Variants in WARS2 observed in about 807,000 individuals in gnomAD.
WARS2 encodes the protein tryptophan--tRNA ligase, mitochondrial.
In WARS2, 28 loss-of-function variants were observed where a neutral mutation model predicts 36.5. That is an observed-to-expected ratio of 0.77 (90% CI 0.57 to 1.05). WARS2 has a LOEUF of 1.05. Among genes scored for constraint, WARS2 ranks in the 50% least tolerant of loss-of-function variants. The probability of loss-of-function intolerance (pLI) is 0.00; values close to 1 mark genes in which losing one functional copy is unlikely to be tolerated. For missense variants in WARS2, 435 were observed against 456.8 expected (o/e 0.95, Z 0.44); for synonymous variants, 174 against 178.4 (o/e 0.98, Z 0.20).
At chr1:119,106,399 C>G (rs976278430) in intron 1 of WARS2, among the ~76,000 whole-genome samples, 1 of 152,246 alleles carries the variant, frequency 6.6e-6, no homozygotes, top group South Asian at 2.1e-4. Flanking sequence ...TATAATAACA[C>G]GTATCCCCCA....
intron 1 of WARS2, among the ~76,000 whole-genome samples, chr1:119,086,957 T>G (rs587619442): frequency 6.6e-6 from 1 of 152,168 alleles, no homozygotes; most frequent in South Asian, 2.1e-4. Context: ...CGTGGGGAAC[T>G]CTCCTTGGTC....
chr1:119,056,186 A>ATTTTTTTTTTTTTTT, intron 2 of WARS2, among the ~76,000 whole-genome samples: 1 of 116,174 alleles, frequency 8.6e-6, no homozygotes. Flanking sequence ...TGCCTGGCTA[A>ATTTTTTTTTTTTTTT]TTTTTTTTTT....
rs575584040 is a variant in WARS2, at chr1:119,047,842, T to C, written c.349-2180A>G. On this transcript the variant is annotated intron_variant, in intron 2 of 5. Transcript: ENST00000235521. ...AAGGCATGGACAATAAAGTGGCCTA[T>C]TGACCATCCACAAACAAGTCAGCAG... 3.9e-4 allele frequency among the ~76,000 whole-genome samples: 60 copies of C among 152,350 alleles called. No homozygotes were observed. In the Middle Eastern group the frequency reaches 0.01, roughly 26 times the overall value.
intron 1 of WARS2, among the ~76,000 whole-genome samples, chr1:119,090,058 C>G (rs1652934506): frequency 6.6e-6 from 1 of 151,800 alleles, no homozygotes; most frequent in African/African-American, 2.4e-5. Flanking sequence ...GTGTAGCAAA[C>G]CACCATGGCA....
Position 119,050,150 on chromosome 1 carries a change from C to G in WARS2, c.349-4488G>C, listed in dbSNP as rs529710233. ...ATCCCCTTTGTCCCTCTTCTCCAGC[C>G]ATGCTGGCCTTCTGGTGTTCTCAGA... On this transcript the variant is annotated intron_variant, in intron 2 of 5. Transcript: ENST00000235521. 2.1e-3 allele frequency among the ~76,000 whole-genome samples: 321 copies of G among 152,338 alleles called. 2 individuals are homozygous for G. Among genetic ancestry groups the G allele is most frequent in the African/African-American group, 7.2e-3 (299 of 41,578 alleles).
intron 1 of WARS2, among the ~76,000 whole-genome samples, chr1:119,118,773 T>C (rs1381457565): frequency 6.6e-6 from 1 of 151,122 alleles, no homozygotes; most frequent in Non-Finnish European, 1.5e-5. Context: ...TGGGGTCCTA[T>C]TTTTAGCCTC....
At chr1:119,076,263 G>A (rs1048003697) in intron 2 of WARS2, 87 bp downstream of exon 2, 21 of 1,492,512 alleles carry the variant, frequency 1.4e-5, no homozygotes, top group Admixed American at 8.8e-5. Flanking sequence ...TAAAAATCAC[G>A]AGCAGGGGCT....
intron 1 of WARS2, among the ~76,000 whole-genome samples, chr1:119,103,914 G>A (rs892208464): frequency 6.7e-6 from 1 of 149,500 alleles, no homozygotes; most frequent in African/African-American, 2.4e-5. Flanking sequence ...AATTAAAAAG[G>A]AAAAATATAT....
intron 1 of WARS2, among the ~76,000 whole-genome samples, chr1:119,115,366 G>T (rs1205767418): frequency 6.6e-6 from 1 of 152,084 alleles, no homozygotes; most frequent in Non-Finnish European, 1.5e-5. Context: ...GATCTATTTT[G>T]CTGGGATATA....
intron 1 of WARS2, among the ~76,000 whole-genome samples, chr1:119,123,143 T>A (rs1373014693): frequency 2.0e-5 from 3 of 152,172 alleles, no homozygotes; most frequent in Non-Finnish European, 2.9e-5. Context: ...CTTAATACAC[T>A]TATAGAAACA....
intron 1 of WARS2, among the ~76,000 whole-genome samples, chr1:119,118,280 A>G (rs1655105258): frequency 6.6e-6 from 1 of 152,070 alleles, no homozygotes; most frequent in African/African-American, 2.4e-5. Flanking sequence ...GAGAAAAGCA[A>G]AACACACTGA....
At chr1:119,073,648 A>C (rs1651500374) in intron 2 of WARS2, among the ~76,000 whole-genome samples, 2 of 152,228 alleles carry the variant, frequency 1.3e-5, no homozygotes. Flanking sequence ...TCTCTGACCT[A>C]GACCCAATGA....
At chr1:119,053,543 A>G (rs1649538365) in intron 2 of WARS2, among the ~76,000 whole-genome samples, 1 of 152,194 alleles carries the variant, frequency 6.6e-6, no homozygotes, top group South Asian at 2.1e-4. Flanking sequence ...TTTCAGTAAG[A>G]TTGTATTTAA....
intron 3 of WARS2, among the ~76,000 whole-genome samples, chr1:119,042,637 A>G (rs1648468565): frequency 6.6e-6 from 1 of 152,110 alleles, no homozygotes; most frequent in African/African-American, 2.4e-5. Flanking sequence ...GGATACAGGC[A>G]TTTATTGGTT....
chr1:119,045,957 A>T (rs1648773202), intron 2 of WARS2, among the ~76,000 whole-genome samples: 3 of 152,134 alleles, frequency 2.0e-5, no homozygotes, highest in Admixed American at 1.3e-4. Context: ...GTCCTGAGGC[A>T]TCTGTTCTAT....
intron 1 of WARS2, among the ~76,000 whole-genome samples, chr1:119,132,190 G>A (rs1325483974): frequency 1.3e-5 from 2 of 152,144 alleles, no homozygotes; most frequent in African/African-American, 4.8e-5. Context: ...AAATGTGGTG[G>A]TAGAGCCAGG....
At chr1:119,106,175 C>A (rs1015228427) in intron 1 of WARS2, among the ~76,000 whole-genome samples, 5 of 152,024 alleles carry the variant, frequency 3.3e-5, no homozygotes, top group African/African-American at 1.2e-4. Context: ...TTTTTAGAGA[C>A]GTTTTAGGTT....
intron 1 of WARS2, among the ~76,000 whole-genome samples, chr1:119,079,815 G>A (rs940287374): frequency 6.6e-6 from 1 of 152,246 alleles, no homozygotes; most frequent in Non-Finnish European, 1.5e-5. Context: ...ATGATCTGTG[G>A]CTCTGAGGAT....
At chr1:119,120,276 T>G (rs1216731397) in intron 1 of WARS2, among the ~76,000 whole-genome samples, 1 of 152,022 alleles carries the variant, frequency 6.6e-6, no homozygotes, top group African/African-American at 2.4e-5. Flanking sequence ...TATGAACACC[T>G]TTATGTGCAT....
Sources: gnomAD v4.1 joint callset for allele counts (sites outside exome capture counted in the v4.1 genomes callset) on GRCh38, gnomAD v4.1.1 for gene constraint, MANE v1.5 for transcripts, NCBI Gene and HGNC (gene_info 2026-07-23, HGNC 2026-07-21) for gene names.